ARHGEF28: variants seen among roughly 807,000 people sequenced by gnomAD.
ARHGEF28 encodes the protein Rho guanine nucleotide exchange factor 28.
In ARHGEF28, 152 loss-of-function variants were observed where a neutral mutation model predicts 206.6. The observed-to-expected ratio is 0.74, with a 90% CI of 0.64 to 0.84. ARHGEF28 has a LOEUF of 0.84. Ranked by LOEUF, ARHGEF28 falls within the 40% of genes least tolerant of loss-of-function variation. ARHGEF28 has a pLI of 0.00. For synonymous variants in ARHGEF28, 763 were observed against 776.4 expected (o/e 0.98, Z 0.29); for missense variants, 2,028 against 2,073.2 (o/e 0.98, Z 0.42).
At chr5:73,852,722 G>T in intron 14 of ARHGEF28, 30 bp downstream of exon 14, 1 of 1,606,286 alleles carries the variant, frequency 6.2e-7, no homozygotes, top group African/African-American at 1.3e-5. Flanking sequence ...TTTTCCTGAG[G>T]AACTGCATGA....
intron 9 of ARHGEF28, among the ~76,000 whole-genome samples, chr5:73,827,422 A>C (rs577671053): frequency 6.6e-6 from 1 of 152,214 alleles, no homozygotes; most frequent in Admixed American, 6.5e-5. Context: ...ATAACTAATA[A>C]AGAATTTATA....
intron 11 of ARHGEF28, among the ~76,000 whole-genome samples, chr5:73,841,374 A>T (rs771575602): frequency 6.6e-6 from 1 of 152,202 alleles, no homozygotes. Context: ...TAAAAAATAT[A>T]TTATTATAGG....
chr5:73,644,543 C>A (rs530691782), intron 1 of ARHGEF28, among the ~76,000 whole-genome samples: 2 of 152,334 alleles, frequency 1.3e-5, no homozygotes, highest in East Asian at 1.9e-4. Context: ...ATCTTCAGTC[C>A]TCATGACCCT....
chr5:73,671,297 A>C (rs1746287378), intron 1 of ARHGEF28, among the ~76,000 whole-genome samples: 1 of 152,204 alleles, frequency 6.6e-6, no homozygotes, highest in Non-Finnish European at 1.5e-5. Flanking sequence ...GACCTGACCC[A>C]AGTGTTCCTT....
chr5:73,690,151 G>A (rs1747725079), intron 2 of ARHGEF28, among the ~76,000 whole-genome samples: 1 of 152,088 alleles, frequency 6.6e-6, no homozygotes, highest in Non-Finnish European at 1.5e-5. Flanking sequence ...CCTAGTTTGT[G>A]TGTAAAAAGA....
chr5:73,858,191 C>A lies in ARHGEF28; in HGVS notation c.2019C>A (p.Leu673=), dbSNP rs1036583610. Reference sequence around the variant, plus strand: ...AGTGTTTGGTTTGTGATAAAACACTCCTGGGGAAAGAGTCACTGCAGTGTT... The same window carrying A: ...AGTGTTTGGTTTGTGATAAAACACTACTGGGGAAAGAGTCACTGCAGTGTT... ...VLQCLVCDKT[L]LGKESLQCSN... Residue 673 remains leucine (L), a synonymous_variant, in exon 16 of 36, where the codon CTC becomes CTA. Transcript: ENST00000513042. 2 of 1,605,694 alleles carry A rather than the reference C, an allele frequency of 1.2e-6. No homozygotes were observed. Among genetic ancestry groups the A allele is most frequent in the African/African-American group, 2.7e-5 (2 of 74,390 alleles).
intron 2 of ARHGEF28, among the ~76,000 whole-genome samples, chr5:73,730,539 T>G (rs1474915144): frequency 4.0e-5 from 6 of 149,752 alleles, no homozygotes; most frequent in African/African-American, 1.3e-4. Context: ...GGAGGATTTT[T>G]TTTTTTTTTT....
intron 2 of ARHGEF28, among the ~76,000 whole-genome samples, chr5:73,712,310 A>G (rs1479768667): frequency 6.6e-6 from 1 of 152,212 alleles, no homozygotes; most frequent in East Asian, 1.9e-4. Flanking sequence ...AATGAATTCC[A>G]TATAAGTAGA....
chr5:73,713,001 A>C (rs894916312), intron 2 of ARHGEF28, among the ~76,000 whole-genome samples: 1 of 152,214 alleles, frequency 6.6e-6, no homozygotes, highest in Non-Finnish European at 1.5e-5. Flanking sequence ...GGTTTCCCCA[A>C]ATGTAATTAT....
At chr5:73,764,433 G>A (rs1005211798) in intron 4 of ARHGEF28, among the ~76,000 whole-genome samples, 1 of 152,194 alleles carries the variant, frequency 6.6e-6, no homozygotes, top group Non-Finnish European at 1.5e-5. Context: ...CGTTCCACAA[G>A]CTAAAATAAA....
intron 26 of ARHGEF28, among the ~76,000 whole-genome samples, chr5:73,889,125 C>G (rs1316672131): frequency 6.6e-6 from 1 of 152,178 alleles, no homozygotes; most frequent in Non-Finnish European, 1.5e-5. Context: ...GAAATTGAAG[C>G]ATTTGGCTAG....
At chr5:73,856,737 T>C (rs185688742) in intron 14 of ARHGEF28, among the ~76,000 whole-genome samples, 21 of 152,198 alleles carry the variant, frequency 1.4e-4, no homozygotes, top group Admixed American at 3.9e-4. Context: ...TTCCCAGAGA[T>C]AAATGTGTTA....
At chr5:73,790,620 C>G (rs181201059) in intron 7 of ARHGEF28, among the ~76,000 whole-genome samples, 1 of 151,710 alleles carries the variant, frequency 6.6e-6, no homozygotes, top group Admixed American at 6.6e-5. Context: ...ATTGTTGCTC[C>G]CAGTCCATAT....
chr5:73,804,645 C>T (rs949847605), intron 9 of ARHGEF28, among the ~76,000 whole-genome samples: 1 of 152,026 alleles, frequency 6.6e-6, no homozygotes, highest in Non-Finnish European at 1.5e-5. Context: ...ATCAAGCTGC[C>T]GTTAATAAAT....
rs546176314 is a variant in ARHGEF28 at position 73,934,740 on chromosome 5, A to G, written c.4949-6104A>G. The stretch of plus-strand genomic sequence containing the variant: ...TGCATACTGGTTTTTGCTCTGAGAG[A>G]TTTATAATACACATGAGCCTATTAA... On this transcript the variant is annotated intron_variant, in intron 35 of 35. Transcript: ENST00000513042. Among the ~76,000 whole-genome samples the G allele has an allele frequency of 1.6e-3, 242 of 152,302 alleles. 2 individuals carry two copies. The highest frequency in any genetic ancestry group is 5.5e-3 in the African/African-American group (228 of 41,556).
At chr5:73,627,698 A>T (rs1743092812) in intron 1 of ARHGEF28, among the ~76,000 whole-genome samples, 1 of 152,208 alleles carries the variant, frequency 6.6e-6, no homozygotes. Flanking sequence ...TAATGTTCTG[A>T]TGTGGACTCT....
chr5:73,703,006 G>C (rs1561344343), intron 2 of ARHGEF28, among the ~76,000 whole-genome samples: 1 of 152,184 alleles, frequency 6.6e-6, no homozygotes, highest in South Asian at 2.1e-4. Context: ...AATCTGTTTG[G>C]GTAGGAAAAG....
chr5:73,901,524 A>C, intron 31 of ARHGEF28: 4 of 302,556 alleles, frequency 1.3e-5, no homozygotes, highest in Non-Finnish European at 2.5e-5. Context: ...AAGATTAAAA[A>C]CTCTCCTGTG....
intron 12 of ARHGEF28, among the ~76,000 whole-genome samples, chr5:73,846,915 T>C (rs913189768): frequency 1.3e-5 from 2 of 152,252 alleles, no homozygotes; most frequent in Non-Finnish European, 2.9e-5. Context: ...TGAGCATTTC[T>C]GGCTGCTTGA....
Sources: gnomAD v4.1 joint callset for allele counts (sites outside exome capture counted in the v4.1 genomes callset) on GRCh38, gnomAD v4.1.1 for gene constraint, MANE v1.5 for transcripts, NCBI Gene and HGNC (gene_info 2026-07-23, HGNC 2026-07-21) for gene names.